The following ADAM9 variants were observed in gnomAD, a reference collection of about 807,000 sequenced individuals.
ADAM9 encodes ADAM metallopeptidase domain 9.
ADAM9 carries 54 observed loss-of-function variants against 108.1 expected under a neutral mutation model. The ratio of observed to expected loss-of-function variants is 0.50; its 90% CI spans 0.40 to 0.63. The LOEUF (loss-of-function observed/expected upper bound fraction) is 0.63. Among genes scored for constraint, ADAM9 ranks in the 20% least tolerant of loss-of-function variants. The pLI, the probability that ADAM9 is intolerant of heterozygous loss-of-function variation, is 0.00. For synonymous variants in ADAM9, 316 were observed against 336.0 expected (o/e 0.94, Z 0.65); for missense variants, 830 against 997.7 (o/e 0.83, Z 2.26).
chr8:39,100,504 A>C (rs1270518349), intron 20 of ADAM9, among the ~76,000 whole-genome samples: 2 of 151,990 alleles, frequency 1.3e-5, no homozygotes, highest in Non-Finnish European at 1.5e-5. Context: ...AAAAAAAAAA[A>C]AAAAGATTCA....
At chr8:39,073,635 G>T (rs1267003928) in intron 15 of ADAM9, among the ~76,000 whole-genome samples, 2 of 152,154 alleles carry the variant, frequency 1.3e-5, no homozygotes, top group Non-Finnish European at 2.9e-5. Context: ...AATGGGTGGA[G>T]AATTAATATA....
intron 11 of ADAM9, 107 bp downstream of exon 11, chr8:39,026,917 C>T (rs1465594741): frequency 1.0e-5 from 15 of 1,462,962 alleles, no homozygotes; most frequent in Non-Finnish European, 1.4e-5. Context: ...AATGTTATTT[C>T]CGGTTTGCTG....
intron 11 of ADAM9, among the ~76,000 whole-genome samples, chr8:39,036,477 T>TG (rs1837278927): frequency 6.6e-6 from 1 of 152,346 alleles, no homozygotes; most frequent in Admixed American, 6.5e-5. Context: ...GTTGAAATTT[T>TG]TTTTTTTGTC....
intron 12 of ADAM9, among the ~76,000 whole-genome samples, chr8:39,051,971 C>T (rs564242609): frequency 4.6e-5 from 7 of 151,894 alleles, no homozygotes; most frequent in South Asian, 2.1e-4. Flanking sequence ...GATATACACA[C>T]GTCGTGTATA....
At chr8:39,045,113 CATATGTGTGTGTGCATACATACAT>C (rs1837621080) in intron 12 of ADAM9, among the ~76,000 whole-genome samples, 3 of 14,694 alleles carry the variant, frequency 2.0e-4, no homozygotes, top group South Asian at 1.3e-3. Context: ...TGCATACATA[CATATGTGTGTGTGCATACATACAT>C]ATATGTGTAT....
chr8:39,063,088 A>G (rs1291715420), intron 14 of ADAM9, among the ~76,000 whole-genome samples: 1 of 152,066 alleles, frequency 6.6e-6, no homozygotes, highest in Non-Finnish European at 1.5e-5. Context: ...ATTCATCCCA[A>G]TCCAACTTTA....
At chr8:39,067,411 G>A (rs1380946693) in intron 14 of ADAM9, among the ~76,000 whole-genome samples, 4 of 152,078 alleles carry the variant, frequency 2.6e-5, no homozygotes, top group East Asian at 1.9e-4. Context: ...ATTTGTTTGT[G>A]TCCTCTTTTA....
intron 12 of ADAM9, among the ~76,000 whole-genome samples, chr8:39,050,980 G>A (rs1368211243): frequency 2.0e-5 from 3 of 152,058 alleles, no homozygotes; most frequent in African/African-American, 7.2e-5. Flanking sequence ...TGCTCTGAGA[G>A]AGGAGAGGGA....
chr8:39,060,814 T>G (rs1006645166), intron 14 of ADAM9, among the ~76,000 whole-genome samples: 1 of 152,222 alleles, frequency 6.6e-6, no homozygotes, highest in Non-Finnish European at 1.5e-5. Context: ...AGAGTTGATA[T>G]TCTTCCTAAG....
chr8:39,022,748 C>G (rs907327318), intron 8 of ADAM9, among the ~76,000 whole-genome samples: 1 of 151,972 alleles, frequency 6.6e-6, no homozygotes, highest in Non-Finnish European at 1.5e-5. Flanking sequence ...GAGTCTCGCT[C>G]TGTTGCCCAG....
At chr8:39,028,253 A>C (rs1018693181) in intron 11 of ADAM9, among the ~76,000 whole-genome samples, 1 of 152,200 alleles carries the variant, frequency 6.6e-6, no homozygotes, top group East Asian at 1.9e-4. Flanking sequence ...TTTCAATCAC[A>C]TGCTAGTATA....
chr8:39,073,816 A>T (rs1437967019), intron 15 of ADAM9, among the ~76,000 whole-genome samples: 1 of 152,174 alleles, frequency 6.6e-6, no homozygotes, highest in East Asian at 1.9e-4. Flanking sequence ...AAAATTACTG[A>T]GTCATTTAGG....
At chr8:39,091,033 T>A (rs1311178252) in intron 19 of ADAM9, among the ~76,000 whole-genome samples, 2 of 152,194 alleles carry the variant, frequency 1.3e-5, no homozygotes, top group Non-Finnish European at 2.9e-5. Context: ...TTCTTAAAAT[T>A]TCAGTTTAAT....
At chr8:39,043,050 G>T (rs1476685836) in intron 12 of ADAM9, among the ~76,000 whole-genome samples, 1 of 152,060 alleles carries the variant, frequency 6.6e-6, no homozygotes, top group Non-Finnish European at 1.5e-5. Context: ...TCTTAGCATG[G>T]TATTGTATAC....
At chr8:39,044,094 A>G (rs951414830) in intron 12 of ADAM9, among the ~76,000 whole-genome samples, 1 of 152,160 alleles carries the variant, frequency 6.6e-6, no homozygotes, top group Non-Finnish European at 1.5e-5. Flanking sequence ...TTAGTTTGAT[A>G]TAGCCCCACT....
chr8:39,043,393 A>G (rs1399803119), intron 12 of ADAM9, among the ~76,000 whole-genome samples: 1 of 152,158 alleles, frequency 6.6e-6, no homozygotes, highest in African/African-American at 2.4e-5. Flanking sequence ...TCTTCCCAAC[A>G]GTGCACAAGG....
At chr8:39,084,879 T>C (rs1398735574) in intron 18 of ADAM9, among the ~76,000 whole-genome samples, 4 of 152,132 alleles carry the variant, frequency 2.6e-5, no homozygotes, top group African/African-American at 9.6e-5. Context: ...GTTCTGTTAT[T>C]AGGTACATAA....
At chr8:39,007,857 T>TA in intron 1 of ADAM9, 29 bp from the exon 2 acceptor site, 1 of 1,486,124 alleles carries the variant, frequency 6.7e-7, no homozygotes, top group Non-Finnish European at 9.4e-7. Context: ...CAGTTTCACT[T>TA]ATTATATTTG....
chr8:39,019,375 T>C (rs985395878), intron 7 of ADAM9, among the ~76,000 whole-genome samples: 1 of 152,238 alleles, frequency 6.6e-6, no homozygotes, highest in African/African-American at 2.4e-5. Context: ...GGGAATAGTA[T>C]TAATTTCCGT....
Sources: allele counts gnomAD v4.1 joint callset (sites outside exome capture counted in the v4.1 genomes callset), GRCh38; gene constraint gnomAD v4.1.1; transcripts MANE v1.5; gene names NCBI Gene and HGNC (gene_info 2026-07-23, HGNC 2026-07-21).